The following TNR variants were observed in gnomAD, a reference collection of about 807,000 sequenced individuals.
TNR encodes tenascin-R.
A neutral mutation model predicts 150.4 loss-of-function variants in TNR; 45 were observed. That is an observed-to-expected ratio of 0.30 (90% CI 0.24 to 0.38). The LOEUF (loss-of-function observed/expected upper bound fraction) is 0.38, where lower values mean the gene tolerates loss of function less well. Among genes scored for constraint, TNR ranks in the 10% least tolerant of loss-of-function variants. The pLI is 1.00. For synonymous variants in TNR, 687 were observed against 678.4 expected (o/e 1.01, Z -0.20); for missense variants, 1,544 against 1,759.1 (o/e 0.88, Z 2.19).
At position 175,330,116 on chromosome 1, in the gene TNR, T is replaced by A; in HGVS notation, c.3751A>T (p.Asn1251Tyr). 1 of 1,611,352 alleles carries A rather than the reference T, an allele frequency of 6.2e-7. No homozygotes were observed. The highest frequency in any genetic ancestry group is 1.1e-5 in the South Asian group (1 of 90,904). The change falls in exon 21 of 23, where the codon AAC (asparagine) becomes TAC (tyrosine). Residue 1251 changes from asparagine (N) to tyrosine (Y), a missense_variant. Physicochemically the swap from Asn to Tyr is moderately radical, Grantham distance 143 (BLOSUM62 -2). Around this residue, in one of 2 missense-constraint regions of TNR, gnomAD observed 290 missense variants for 429.7 expected, o/e 0.67. Coordinates refer to ENST00000367674, the MANE Select transcript of TNR (RefSeq NM_003285.3). ...YDRFSVEDSR[N>Y]LYKLRIGSYN... ...CTTCCTATGCGGAGTTTGTACAGGT[T>A]TCTGCTGTCCTCGACAGAGAACCTG... is the stretch of plus-strand genomic sequence containing the variant.
At chr1:175,728,619 C>T (rs1445189783) in intron 1 of TNR, among the ~76,000 whole-genome samples, 2 of 152,150 alleles carry the variant, frequency 1.3e-5, no homozygotes, top group Non-Finnish European at 2.9e-5. Flanking sequence ...TAAGTGCTAC[C>T]ACCTAACCTA....
intron 1 of TNR, among the ~76,000 whole-genome samples, chr1:175,590,314 A>G (rs1662748675): frequency 6.6e-6 from 1 of 152,214 alleles, no homozygotes; most frequent in Admixed American, 6.5e-5. Context: ...AAAATTTGAT[A>G]TTTCATTTAT....
At chr1:175,468,666 G>A (rs1339025724) in intron 2 of TNR, among the ~76,000 whole-genome samples, 1 of 152,148 alleles carries the variant, frequency 6.6e-6, no homozygotes, top group Non-Finnish European at 1.5e-5. Context: ...AGCATCCCAT[G>A]GAAGAGGCAT....
chr1:175,619,059 T>G (rs967610761), intron 1 of TNR, among the ~76,000 whole-genome samples: 1 of 152,142 alleles, frequency 6.6e-6, no homozygotes, highest in Non-Finnish European at 1.5e-5. Context: ...ATGGCCTCCA[T>G]GAAAAGAGAC....
intron 1 of TNR, among the ~76,000 whole-genome samples, chr1:175,592,381 C>T (rs1281922599): frequency 2.6e-5 from 4 of 152,246 alleles, no homozygotes; most frequent in African/African-American, 9.6e-5. Flanking sequence ...GCTCACATAT[C>T]TCAGGTTTGG....
At chr1:175,725,989 A>T (rs1667466180) in intron 1 of TNR, among the ~76,000 whole-genome samples, 1 of 152,234 alleles carries the variant, frequency 6.6e-6, no homozygotes, top group African/African-American at 2.4e-5. Context: ...CCAAGTACAT[A>T]AAAACTGCAA....
intron 21 of TNR, among the ~76,000 whole-genome samples, chr1:175,326,344 G>A (rs976494714): frequency 6.6e-6 from 1 of 152,170 alleles, no homozygotes; most frequent in African/African-American, 2.4e-5. Context: ...TGTGTTAAGC[G>A]AGGAAAGACC....
chr1:175,387,414 G>A (rs1652988631), intron 7 of TNR, among the ~76,000 whole-genome samples: 1 of 152,198 alleles, frequency 6.6e-6, no homozygotes, highest in Non-Finnish European at 1.5e-5. Flanking sequence ...CAGAGCCAGG[G>A]CTGGTGTGGC....
intron 2 of TNR, among the ~76,000 whole-genome samples, chr1:175,410,100 C>T (rs369173310): frequency 8.6e-5 from 13 of 152,040 alleles, no homozygotes; most frequent in South Asian, 2.1e-4. Flanking sequence ...AGAGGACACC[C>T]GACAGAAGTG....
chr1:175,627,711 C>T (rs539322842), intron 1 of TNR, among the ~76,000 whole-genome samples: 24 of 152,172 alleles, frequency 1.6e-4, no homozygotes, highest in African/African-American at 5.8e-4. Context: ...CCCACCCCAC[C>T]CCCAAAATGA....
rs561117635 is a variant in TNR, at chr1:175,646,127, T to C, written c.-165+97099A>G. 5.4e-3 allele frequency among the ~76,000 whole-genome samples: 815 copies of C among 152,286 alleles called. 9 individuals are homozygous for C. Among genetic ancestry groups the C allele is most frequent in the Non-Finnish European group, 8.1e-3 (554 of 68,016 alleles). Reference sequence around the variant, plus strand: ...TAAAGATATTCTAGTTGCACGCATTTATATCAGAGTGTCTCCCCACACTTT... The same window carrying C: ...TAAAGATATTCTAGTTGCACGCATTCATATCAGAGTGTCTCCCCACACTTT... On this transcript the variant is annotated intron_variant, in intron 1 of 22. Transcript: ENST00000367674.
chr1:175,348,205 G>T (rs12070548), intron 18 of TNR, among the ~76,000 whole-genome samples: 7,998 of 152,140 alleles, frequency 0.053, 687 homozygotes, highest in African/African-American at 0.18. Context: ...CATATAGAAT[G>T]TTTGTTATGA....
intron 1 of TNR, among the ~76,000 whole-genome samples, chr1:175,585,474 C>T (rs1326643053): frequency 6.6e-6 from 1 of 152,038 alleles, no homozygotes; most frequent in Non-Finnish European, 1.5e-5. Flanking sequence ...ACTATTATTC[C>T]CATTTTATGG....
chr1:175,358,532 C>T (rs1003344264), intron 15 of TNR, among the ~76,000 whole-genome samples: 1 of 152,212 alleles, frequency 6.6e-6, no homozygotes, highest in African/African-American at 2.4e-5. Flanking sequence ...CTTTGCAGCT[C>T]ACAGAATTAG....
intron 1 of TNR, among the ~76,000 whole-genome samples, chr1:175,529,660 G>C (rs112297392): frequency 3.9e-5 from 6 of 152,328 alleles, no homozygotes; most frequent in African/African-American, 1.4e-4. Context: ...GTGTAATTTA[G>C]ATGGTAGCTG....
chr1:175,369,810 A>G (rs1652013523), intron 9 of TNR, among the ~76,000 whole-genome samples: 1 of 152,168 alleles, frequency 6.6e-6, no homozygotes, highest in African/African-American at 2.4e-5. Context: ...TTCCTTTAAC[A>G]AATGGCTTGG....
intron 1 of TNR, among the ~76,000 whole-genome samples, chr1:175,600,138 T>G (rs1182417520): frequency 6.6e-6 from 1 of 152,228 alleles, no homozygotes; most frequent in East Asian, 1.9e-4. Flanking sequence ...TTGAGCAGGT[T>G]ACTTAACTCC....
chr1:175,316,604 C>T lies in TNR; in HGVS notation c.*6753G>A, dbSNP rs777792785. 6.6e-6 allele frequency: 1 copy of T among 152,048 alleles called. No individual in the cohort carries two copies. Among genetic ancestry groups the T allele is most frequent in the Non-Finnish European group, 1.5e-5 (1 of 68,020 alleles). 9.4% of individuals were successfully genotyped at this position (152,048 alleles called of 1,614,324 possible). ...ATTCTGTGGCTTCTCCTTCCTCAAT[C>T]CTGGCTACACTGCCTGCTCCAGCTT... On this transcript the variant is annotated 3_prime_UTR_variant, in exon 23 of 23. Transcript: ENST00000367674.
intron 1 of TNR, among the ~76,000 whole-genome samples, chr1:175,623,985 T>G (rs1198094401): frequency 6.6e-6 from 1 of 152,210 alleles, no homozygotes; most frequent in African/African-American, 2.4e-5. Flanking sequence ...GATGTTTTAT[T>G]TCCATCTATA....
Sources: gnomAD v4.1 joint callset for allele counts (sites outside exome capture counted in the v4.1 genomes callset) on GRCh38, gnomAD v4.1.1 for gene constraint, gnomAD v4.1.1 regional missense constraint, MANE v1.5 for transcripts, NCBI Gene and HGNC (gene_info 2026-07-23, HGNC 2026-07-21) for gene names.